Variants in MMS22L observed in about 807,000 individuals in gnomAD.
MMS22L encodes MMS22 like, DNA repair protein.
MMS22L carries 74 observed loss-of-function variants against 159.1 expected under a neutral mutation model. The ratio of observed to expected loss-of-function variants is 0.47; its 90% CI spans 0.39 to 0.56. The LOEUF (loss-of-function observed/expected upper bound fraction) is 0.56, where lower values mean the gene tolerates loss of function less well. Among genes scored for constraint, MMS22L ranks in the 20% least tolerant of loss-of-function variants. MMS22L has a pLI of 0.00. For missense variants in MMS22L, 1,351 were observed against 1,422.1 expected (o/e 0.95, Z 0.80); for synonymous variants, 517 against 506.9 (o/e 1.02, Z -0.27).
At chr6:97,243,950 A>G (rs1812358467) in intron 11 of MMS22L, among the ~76,000 whole-genome samples, 1 of 152,112 alleles carries the variant, frequency 6.6e-6, no homozygotes, top group African/African-American at 2.4e-5. Context: ...GGATACCACC[A>G]CCTGCTCTGG....
chr6:97,196,177 C>T (rs1562446265), intron 14 of MMS22L, among the ~76,000 whole-genome samples: 1 of 151,996 alleles, frequency 6.6e-6, no homozygotes, highest in Non-Finnish European at 1.5e-5. Context: ...TAGATGTTAT[C>T]AAATATAGTC....
chr6:97,247,882 T>G (rs575438125), intron 10 of MMS22L, among the ~76,000 whole-genome samples: 12 of 152,306 alleles, frequency 7.9e-5, no homozygotes, highest in African/African-American at 2.9e-4. Context: ...GCATAATGAA[T>G]TCTCATGATT....
chr6:97,275,249 C>T (rs1816139555), intron 4 of MMS22L, among the ~76,000 whole-genome samples: 1 of 152,212 alleles, frequency 6.6e-6, no homozygotes, highest in South Asian at 2.1e-4. Context: ...GAATTATTGG[C>T]CGGGCATGGT....
chr6:97,228,540 A>G (rs1290249138), intron 14 of MMS22L, among the ~76,000 whole-genome samples: 1 of 152,244 alleles, frequency 6.6e-6, no homozygotes, highest in Non-Finnish European at 1.5e-5. Flanking sequence ...AATGTTGCAT[A>G]AAATTACATT....
Position 97,145,748 on chromosome 6 carries a change from T to A in MMS22L, c.*1058A>T, listed in dbSNP as rs1270752206. 6.6e-6 allele frequency: 1 copy of A among 152,130 alleles called. No individual in the cohort carries two copies. The highest frequency in any genetic ancestry group is 2.4e-5 in the African/African-American group (1 of 41,432). The allele number at this position is 152,130 out of a possible 1,614,324, so 9.4% of individuals were successfully genotyped here. ...AGAAACTAGACTGAGAAAGGTTACG[T>A]AACTAGCTCAAGATCATAAAGCAAA... On this transcript the variant is annotated 3_prime_UTR_variant, in exon 25 of 25. Transcript: ENST00000683635.
chr6:97,246,096 A>C, intron 11 of MMS22L: 1 of 418,912 alleles, frequency 2.4e-6, no homozygotes, highest in Non-Finnish European at 4.7e-6. Flanking sequence ...AGCATGTTTA[A>C]AACTATTTTA....
At position 97,146,241 on chromosome 6, in the gene MMS22L, A is replaced by G. The variant is rs2128229023; in HGVS notation, c.*565T>C. The G allele has an allele frequency of 6.6e-6, 1 of 152,198 alleles. No individual in the cohort carries two copies. Among genetic ancestry groups the G allele is most frequent in the East Asian group, 1.9e-4 (1 of 5,172 alleles). The allele number at this position is 152,198 out of a possible 1,614,324, so 9.4% of individuals were successfully genotyped here. ...TAATCCTTTAGCCAGATTCAGTCTC[A>G]TTCCTAACACAGTTAAGTGTGCTTT... On this transcript the variant is annotated 3_prime_UTR_variant, in exon 25 of 25. Transcript: ENST00000683635.
chr6:97,165,543 C>A (rs565003570), intron 20 of MMS22L, 86 bp from the exon 21 acceptor site: 2 of 1,007,444 alleles, frequency 2.0e-6, no homozygotes, highest in African/African-American at 1.6e-5. Flanking sequence ...AAGTCCCCAG[C>A]ATTAATAATC....
At chr6:97,169,072 T>A (rs1027522233) in intron 19 of MMS22L, among the ~76,000 whole-genome samples, 3 of 152,122 alleles carry the variant, frequency 2.0e-5, no homozygotes, top group Non-Finnish European at 4.4e-5. Flanking sequence ...TATAAGCTAA[T>A]CACTTAACCT....
chr6:97,278,156 C>T (rs185661398), intron 4 of MMS22L, among the ~76,000 whole-genome samples: 23 of 152,260 alleles, frequency 1.5e-4, no homozygotes, highest in Admixed American at 4.6e-4. Context: ...GTAATCCTAG[C>T]ACTTCAGGAG....
chr6:97,209,807 T>C (rs1808179298), intron 14 of MMS22L, among the ~76,000 whole-genome samples: 1 of 152,000 alleles, frequency 6.6e-6, no homozygotes, highest in African/African-American at 2.4e-5. Context: ...AGAAAAGTCT[T>C]TCCTATGTCA....
At chr6:97,189,678 T>C (rs554440880) in intron 14 of MMS22L, among the ~76,000 whole-genome samples, 1 of 151,648 alleles carries the variant, frequency 6.6e-6, no homozygotes, top group East Asian at 1.9e-4. Context: ...AAGACAAGTT[T>C]CAACTAAGGG....
At chr6:97,189,421 C>T (rs1437916209) in intron 14 of MMS22L, among the ~76,000 whole-genome samples, 2 of 150,964 alleles carry the variant, frequency 1.3e-5, no homozygotes, top group African/African-American at 4.9e-5. Flanking sequence ...ATTAGCCGGG[C>T]GTGGTGACAT....
At chr6:97,163,431 T>A (rs1364646726) in intron 21 of MMS22L, among the ~76,000 whole-genome samples, 1 of 151,926 alleles carries the variant, frequency 6.6e-6, no homozygotes, top group East Asian at 1.9e-4. Flanking sequence ...TCTCTATATC[T>A]TTCCTGAGTA....
Position 97,263,421 on chromosome 6 carries a change from C to G in MMS22L, c.856G>C (p.Asp286His). ...TTAATGCATAAACATGGACACTGGT[C>G]ACTCATTAATGATTCAGAAGACCTA... ...KVRSSESLMS[D>H]QCPCLCIKEL... The change falls in exon 9 of 25, where the codon GAC becomes CAC. Residue 286 changes from aspartate to histidine, a missense_variant. Asp to His is a moderately conservative substitution (Grantham distance 81). Coordinates refer to ENST00000683635, the MANE Select transcript of MMS22L (RefSeq NM_001350599.2). The G allele has an allele frequency of 6.3e-7, 1 of 1,584,856 alleles. No homozygotes were observed. The highest frequency in any genetic ancestry group is 8.5e-7 in the Non-Finnish European group (1 of 1,170,024).
chr6:97,259,407 C>A (rs907340005), intron 9 of MMS22L: 1 of 152,032 alleles, frequency 6.6e-6, no homozygotes, highest in African/African-American at 2.4e-5. Context: ...AAGAGATGGC[C>A]CTCTCTAATA....
chr6:97,165,537 C>T (rs1472106057), intron 20 of MMS22L, 80 bp from the exon 21 acceptor site: 18 of 1,096,794 alleles, frequency 1.6e-5, no homozygotes, highest in Non-Finnish European at 2.4e-5. Context: ...CTAATGAAGT[C>T]CCCAGCATTA....
chr6:97,246,833 T>C, intron 10 of MMS22L, 143 bp from the exon 11 acceptor site: 1 of 579,278 alleles, frequency 1.7e-6, no homozygotes, highest in African/African-American at 1.9e-5. Context: ...CTAATATTCC[T>C]TTGGTAAAGA....
intron 10 of MMS22L, among the ~76,000 whole-genome samples, chr6:97,250,537 TGA>T (rs1437498801): frequency 3.3e-5 from 5 of 152,174 alleles, no homozygotes; most frequent in African/African-American, 1.2e-4. Flanking sequence ...ACTAGAATCG[TGA>T]GAGAGTAACC....
Sources: allele counts gnomAD v4.1 joint callset (sites outside exome capture counted in the v4.1 genomes callset), GRCh38; gene constraint gnomAD v4.1.1; transcripts MANE v1.5; gene names NCBI Gene and HGNC (gene_info 2026-07-23, HGNC 2026-07-21).